KIAA1328: variants seen among roughly 807,000 people sequenced by gnomAD.
The protein encoded by KIAA1328 is KIAA1328, also known as protein hinderin.
KIAA1328 carries 52 observed loss-of-function variants against 68.1 expected under a neutral mutation model. The observed-to-expected ratio is 0.76, with a 90% CI of 0.61 to 0.96. The LOEUF (loss-of-function observed/expected upper bound fraction) is 0.96, where lower values mean the gene tolerates loss of function less well. KIAA1328 is among the 40% of genes least tolerant of loss of function. KIAA1328 has a pLI of 0.00. For missense variants in KIAA1328, 641 were observed against 677.6 expected, an observed-to-expected ratio of 0.95 and a Z score of 0.60; for synonymous variants, 232 against 239.4, an observed-to-expected ratio of 0.97 and a Z score of 0.28.
chr18:36,984,382 A>G (rs1472763972), intron 6 of KIAA1328, among the ~76,000 whole-genome samples: 1 of 152,224 alleles, frequency 6.6e-6, no homozygotes, highest in Non-Finnish European at 1.5e-5. Context: ...AAAAAATGTT[A>G]CAAGAACTAA....
chr18:36,865,797 G>T (rs945230060), intron 4 of KIAA1328, among the ~76,000 whole-genome samples: 1 of 152,050 alleles, frequency 6.6e-6, no homozygotes, highest in Non-Finnish European at 1.5e-5. Flanking sequence ...GACTCTTCAT[G>T]TTGGACCATC....
At chr18:37,115,228 C>T (rs563394468) in intron 7 of KIAA1328, among the ~76,000 whole-genome samples, 1 of 152,136 alleles carries the variant, frequency 6.6e-6, no homozygotes, top group African/African-American at 2.4e-5. Flanking sequence ...GATTTTTAGA[C>T]CAATATCCCT....
At chr18:36,883,444 C>A (rs568934353) in intron 4 of KIAA1328, among the ~76,000 whole-genome samples, 1 of 152,302 alleles carries the variant, frequency 6.6e-6, no homozygotes, top group East Asian at 1.9e-4. Flanking sequence ...CCCAAATTCT[C>A]CTATGCCAGC....
At chr18:37,181,392 A>T (rs1453825986) in intron 9 of KIAA1328, among the ~76,000 whole-genome samples, 3 of 152,098 alleles carry the variant, frequency 2.0e-5, no homozygotes, top group African/African-American at 7.2e-5. Flanking sequence ...TTGGAATTCC[A>T]GGCCACTGCA....
At chr18:36,856,089 C>G (rs2047374928) in intron 4 of KIAA1328, among the ~76,000 whole-genome samples, 1 of 151,918 alleles carries the variant, frequency 6.6e-6, no homozygotes, top group African/African-American at 2.4e-5. Flanking sequence ...CGAATCATTT[C>G]CCTCTTGTTG....
chr18:36,902,307 G>C (rs17652483), intron 5 of KIAA1328: 1 of 151,778 alleles, frequency 6.6e-6, no homozygotes, highest in African/African-American at 2.4e-5. Flanking sequence ...CTGAAGAAAC[G>C]CATTCTGTCA....
In KIAA1328 at chr18:37,222,516, G is replaced by T; in HGVS notation, c.*289G>T. On this transcript the variant is annotated 3_prime_UTR_variant, in exon 10 of 10. Coordinates refer to ENST00000280020, the MANE Select transcript of KIAA1328 (RefSeq NM_020776.3). The stretch of plus-strand genomic sequence containing the variant: ...TACTTTCTGCGTGGTGGAAACCATT[G>T]CATATTCAGCCTCATTTCAAGAGTG... 1 of 1,192,430 alleles carries T rather than the reference G, an allele frequency of 8.4e-7. No homozygotes were observed. The highest frequency in any genetic ancestry group is 1.0e-6 in the Non-Finnish European group (1 of 956,556). The allele number at this position is 1,192,430 out of a possible 1,614,324, so 73.9% of individuals were successfully genotyped here. A position where few individuals can be genotyped will look rare whatever the true frequency, so the allele number is the denominator to read the frequency against.
intron 8 of KIAA1328, among the ~76,000 whole-genome samples, chr18:37,167,177 G>T (rs1228304293): frequency 6.6e-6 from 1 of 152,140 alleles, no homozygotes; most frequent in Non-Finnish European, 1.5e-5. Flanking sequence ...AGGTTGTGGG[G>T]CTCTGACCAC....
intron 6 of KIAA1328, among the ~76,000 whole-genome samples, chr18:37,028,561 G>A (rs2054690977): frequency 6.6e-6 from 1 of 151,074 alleles, no homozygotes; most frequent in African/African-American, 2.4e-5. Flanking sequence ...CCACTACTGT[G>A]TCAAATAGGA....
chr18:37,013,630 G>A (rs2054051620), intron 6 of KIAA1328, among the ~76,000 whole-genome samples: 1 of 152,092 alleles, frequency 6.6e-6, no homozygotes, highest in East Asian at 1.9e-4. Context: ...ATTCACTTAG[G>A]AAAATGGCCT....
At chr18:37,113,858 C>A (rs1177151311) in intron 7 of KIAA1328, among the ~76,000 whole-genome samples, 1 of 152,128 alleles carries the variant, frequency 6.6e-6, no homozygotes, top group Admixed American at 6.6e-5. Context: ...GTGTTGCAAT[C>A]CTAGTCTCTG....
At chr18:36,989,998 A>T (rs2053110505) in intron 6 of KIAA1328, among the ~76,000 whole-genome samples, 1 of 152,096 alleles carries the variant, frequency 6.6e-6, no homozygotes, top group African/African-American at 2.4e-5. Context: ...CAGCCAGTAT[A>T]CTACTTTTTA....
chr18:36,893,702 C>T (rs575687423), intron 5 of KIAA1328, among the ~76,000 whole-genome samples: 30 of 152,110 alleles, frequency 2.0e-4, no homozygotes, highest in Admixed American at 1.6e-3. Context: ...TTTTAAAGCT[C>T]ATTGCAGATT....
intron 7 of KIAA1328, among the ~76,000 whole-genome samples, chr18:37,106,446 T>C (rs891451778): frequency 4.6e-5 from 7 of 150,646 alleles, no homozygotes; most frequent in African/African-American, 1.7e-4. Context: ...TTTGAGACAG[T>C]CTCGCTCTGT....
chr18:36,950,308 G>T (rs920270390), intron 5 of KIAA1328, among the ~76,000 whole-genome samples: 1 of 152,100 alleles, frequency 6.6e-6, no homozygotes, highest in Non-Finnish European at 1.5e-5. Flanking sequence ...CTGGTTTAAA[G>T]GCCACATTGT....
intron 5 of KIAA1328, among the ~76,000 whole-genome samples, chr18:36,916,217 A>ATG (rs386387406): frequency 6.6e-6 from 1 of 151,814 alleles, no homozygotes; most frequent in Admixed American, 6.6e-5. Flanking sequence ...TTATATATAT[A>ATG]TGTACCTGCT....
intron 5 of KIAA1328, chr18:36,921,233 C>T (rs1024158567): frequency 6.6e-6 from 1 of 150,436 alleles, no homozygotes; most frequent in Admixed American, 6.6e-5. Flanking sequence ...TTATGGTCAT[C>T]ATTACCAGAG....
intron 6 of KIAA1328, among the ~76,000 whole-genome samples, chr18:36,997,394 T>G (rs1413481362): frequency 6.6e-6 from 1 of 152,190 alleles, no homozygotes; most frequent in Non-Finnish European, 1.5e-5. Context: ...AGAGTGACTT[T>G]CCAACACAGG....
At chr18:37,113,730 C>T (rs756034582) in intron 7 of KIAA1328, among the ~76,000 whole-genome samples, 25 of 152,228 alleles carry the variant, frequency 1.6e-4, no homozygotes, top group Non-Finnish European at 2.9e-4. Flanking sequence ...GATAAAGATT[C>T]AAGACTCATC....
Sources: gnomAD v4.1 joint callset for allele counts (sites outside exome capture counted in the v4.1 genomes callset) on GRCh38, gnomAD v4.1.1 for gene constraint, MANE v1.5 for transcripts, NCBI Gene and HGNC (gene_info 2026-07-23, HGNC 2026-07-21) for gene names.